The following STXBP5 variants were observed in gnomAD, a reference collection of about 807,000 sequenced individuals.
STXBP5 encodes syntaxin binding protein 5.
Under a neutral mutation model 152.4 loss-of-function variants are expected in STXBP5, and 50 were observed. That is an observed-to-expected ratio of 0.33 (90% CI 0.26 to 0.42). The LOEUF (loss-of-function observed/expected upper bound fraction) is 0.42, where lower values mean the gene tolerates loss of function less well. STXBP5 is among the 10% of genes least tolerant of loss of function. STXBP5 has a pLI of 1.00. For synonymous variants in STXBP5, 492 were observed against 494.7 expected (o/e 0.99, Z 0.07); for missense variants, 1,167 against 1,388.6 (o/e 0.84, Z 2.54).
chr6:147,213,765 T>C (rs1777019157), intron 2 of STXBP5, among the ~76,000 whole-genome samples: 1 of 152,160 alleles, frequency 6.6e-6, no homozygotes, highest in Non-Finnish European at 1.5e-5. Context: ...TATTTTGGGA[T>C]GGCAGATAAG....
chr6:147,311,792 GC>G (rs1782390948), intron 11 of STXBP5, among the ~76,000 whole-genome samples: 1 of 151,982 alleles, frequency 6.6e-6, no homozygotes, highest in Non-Finnish European at 1.5e-5. Context: ...ATATCCTGGG[GC>G]CACACAAAAT....
chr6:147,267,608 A>G (rs1724110880), intron 7 of STXBP5, among the ~76,000 whole-genome samples: 1 of 151,740 alleles, frequency 6.6e-6, no homozygotes, highest in Admixed American at 6.6e-5. Flanking sequence ...TTTGGCATTT[A>G]TTTGTTGAAG....
rs1562464525 is a variant in STXBP5 at position 147,289,018 on chromosome 6, G to GC, written c.839-2070dup. On this transcript the variant is annotated intron_variant, in intron 8 of 27. Transcript: ENST00000321680. ...GCTTCCCTCTGTTTTCCAGTGGAGTGCCCCCCGAAGGTCATACTCCACCAT... is the reference window on the plus strand; with the variant it reads ...GCTTCCCTCTGTTTTCCAGTGGAGTGCCCCCCCGAAGGTCATACTCCACCAT... Among the ~76,000 whole-genome samples, 8 of 152,252 alleles carry GC rather than the reference G, an allele frequency of 5.3e-5. 1 individual carries two copies. In the South Asian group the frequency reaches 1.5e-3, roughly 28 times the overall value.
At chr6:147,359,412 G>C in intron 23 of STXBP5, 89 bp downstream of exon 23, 8 of 1,478,890 alleles carry the variant, frequency 5.4e-6, no homozygotes, top group Non-Finnish European at 6.3e-6. Flanking sequence ...ATTGATCTAA[G>C]AATTCCAAAA....
At chr6:147,262,163 C>G in intron 5 of STXBP5, 127 bp from the exon 6 acceptor site, 1 of 640,064 alleles carries the variant, frequency 1.6e-6, no homozygotes, top group Admixed American at 3.6e-5. Flanking sequence ...TTATTTATCT[C>G]TTGCTGAAAT....
intron 8 of STXBP5, among the ~76,000 whole-genome samples, chr6:147,280,047 A>G (rs1438900057): frequency 2.7e-5 from 4 of 145,820 alleles, no homozygotes; most frequent in Admixed American, 2.1e-4. Context: ...GTGCTGATTC[A>G]CTTGCAAATA....
chr6:147,357,156 G>A (rs1047156613), intron 22 of STXBP5, among the ~76,000 whole-genome samples: 38 of 152,224 alleles, frequency 2.5e-4, no homozygotes, highest in African/African-American at 8.7e-4. Flanking sequence ...TCATGGGAGA[G>A]ATACATGGCT....
intron 25 of STXBP5, among the ~76,000 whole-genome samples, chr6:147,369,345 G>A (rs1486522233): frequency 6.6e-6 from 1 of 151,942 alleles, no homozygotes; most frequent in Non-Finnish European, 1.5e-5. Context: ...GACCTACATG[G>A]AAACCCCAAA....
intron 9 of STXBP5, among the ~76,000 whole-genome samples, chr6:147,298,645 A>C (rs909492860): frequency 6.6e-6 from 1 of 152,092 alleles, no homozygotes; most frequent in African/African-American, 2.4e-5. Flanking sequence ...TTTTGGCCAC[A>C]GTGGTATAAA....
At chr6:147,283,735 G>A (rs1780811978) in intron 8 of STXBP5, among the ~76,000 whole-genome samples, 1 of 152,108 alleles carries the variant, frequency 6.6e-6, no homozygotes, top group South Asian at 2.1e-4. Flanking sequence ...GGGAAGTTTT[G>A]GGCCTTAAAC....
chr6:147,313,844 C>T, intron 11 of STXBP5, 40 bp from the exon 12 acceptor site: 2 of 1,307,030 alleles, frequency 1.5e-6, no homozygotes, highest in Non-Finnish European at 2.1e-6. Context: ...TGGTATAATT[C>T]ATTAAATTAA....
At chr6:147,367,952 A>C (rs1027648566) in intron 25 of STXBP5, among the ~76,000 whole-genome samples, 1 of 152,098 alleles carries the variant, frequency 6.6e-6, no homozygotes, top group African/African-American at 2.4e-5. Flanking sequence ...CAAATTACCA[A>C]GCCTCACTGA....
intron 27 of STXBP5, 82 bp downstream of exon 27, chr6:147,383,080 A>G: frequency 6.8e-7 from 1 of 1,463,442 alleles, no homozygotes; most frequent in Non-Finnish European, 9.3e-7. Flanking sequence ...TAGCTATTGT[A>G]TTTCTACACC....
At chr6:147,268,843 A>G (rs983086225) in intron 7 of STXBP5, among the ~76,000 whole-genome samples, 2 of 152,154 alleles carry the variant, frequency 1.3e-5, no homozygotes, top group Non-Finnish European at 2.9e-5. Context: ...GTAGAACAGT[A>G]TTTTTTAGAG....
chr6:147,311,372 A>G (rs1043055236), intron 10 of STXBP5, 83 bp from the exon 11 acceptor site: 6 of 1,175,430 alleles, frequency 5.1e-6, no homozygotes, highest in East Asian at 2.4e-5. Flanking sequence ...ATGAAACTAA[A>G]TAAAATCAAG....
At chr6:147,356,169 A>G (rs1482925603) in intron 22 of STXBP5, among the ~76,000 whole-genome samples, 5 of 152,112 alleles carry the variant, frequency 3.3e-5, no homozygotes, top group Non-Finnish European at 7.4e-5. Flanking sequence ...AAATTCAAAC[A>G]TTGCTCATTT....
intron 4 of STXBP5, among the ~76,000 whole-genome samples, chr6:147,244,447 A>G (rs1373191237): frequency 1.3e-5 from 2 of 152,238 alleles, no homozygotes; most frequent in Admixed American, 1.3e-4. Flanking sequence ...ATAGCTTGCT[A>G]GGATTTTGAT....
intron 4 of STXBP5, among the ~76,000 whole-genome samples, chr6:147,253,459 A>C (rs1264820666): frequency 6.6e-6 from 1 of 152,226 alleles, no homozygotes; most frequent in African/African-American, 2.4e-5. Context: ...TGGCCGAGGC[A>C]GTCAGGCAAG....
chr6:147,357,623 T>A (rs1057125978), intron 22 of STXBP5, among the ~76,000 whole-genome samples: 1 of 152,004 alleles, frequency 6.6e-6, no homozygotes, highest in African/African-American at 2.4e-5. Context: ...TCTAAGTAAA[T>A]GGTGAGGAGA....
Sources: gnomAD v4.1 joint callset for allele counts (sites outside exome capture counted in the v4.1 genomes callset) on GRCh38, gnomAD v4.1.1 for gene constraint, MANE v1.5 for transcripts, NCBI Gene and HGNC (gene_info 2026-07-23, HGNC 2026-07-21) for gene names.